Variants in MTPAP observed in about 807,000 individuals in gnomAD.
The protein encoded by MTPAP is mitochondrial poly(A) polymerase.
In MTPAP, 23 loss-of-function variants were observed where a neutral mutation model predicts 48.7. The ratio of observed to expected loss-of-function variants is 0.47; its 90% CI spans 0.34 to 0.67. The LOEUF (loss-of-function observed/expected upper bound fraction) is 0.67, where lower values mean the gene tolerates loss of function less well. MTPAP is among the 30% of genes least tolerant of loss of function. The probability of loss-of-function intolerance (pLI) is 0.01; values close to 1 mark genes in which losing one functional copy is unlikely to be tolerated. For synonymous variants in MTPAP, 257 were observed against 254.1 expected, an observed-to-expected ratio of 1.01 and a Z score of -0.11; for missense variants, 614 against 694.3, an observed-to-expected ratio of 0.88 and a Z score of 1.30.
intron 1 of MTPAP, among the ~76,000 whole-genome samples, chr10:30,345,835 T>C (rs1400454367): frequency 6.6e-6 from 1 of 151,752 alleles, no homozygotes; most frequent in Admixed American, 6.6e-5. Flanking sequence ...TCACTTGAGG[T>C]CAGAAGTTCC....
chr10:30,330,587 T>C (rs978404167), intron 4 of MTPAP, among the ~76,000 whole-genome samples: 1 of 152,190 alleles, frequency 6.6e-6, no homozygotes, highest in Admixed American at 6.5e-5. Context: ...TAGCTCTGAT[T>C]AATGGAACTG....
At chr10:30,328,181 A>T (rs879040897) in intron 4 of MTPAP, among the ~76,000 whole-genome samples, 1 of 152,270 alleles carries the variant, frequency 6.6e-6, no homozygotes, top group Non-Finnish European at 1.5e-5. Context: ...AAAAATTCAC[A>T]GAAAAAATAA....
intron 6 of MTPAP, among the ~76,000 whole-genome samples, chr10:30,316,804 C>T (rs544574072): frequency 2.0e-5 from 3 of 152,012 alleles, no homozygotes; most frequent in East Asian, 2.0e-4. Context: ...GCACGAGAAT[C>T]GCTTGAACCC....
At position 30,349,150 on chromosome 10, in the gene MTPAP, T is replaced by A; in HGVS notation, c.126A>T (p.Arg42Ser). ...CPGTVAKDLR[R>S]DEQPSGSVET... ...CCACGCTCCCTGAAGGCTGCTCGTC[T>A]CTCCTAAGGTCTTTGGCCACAGTTC... Residue 42 changes from arginine to serine, a missense_variant, in exon 1 of 9, where the codon AGA becomes AGT. Physicochemically the swap from Arg to Ser is moderately radical, Grantham distance 110. Transcript: ENST00000263063. 4 of 1,613,558 alleles carry A rather than the reference T, an allele frequency of 2.5e-6. No individual in the cohort carries two copies. Among genetic ancestry groups the A allele is most frequent in the Non-Finnish European group, 3.4e-6 (4 of 1,179,772 alleles).
At chr10:30,347,946 G>A (rs1407853687) in intron 1 of MTPAP, among the ~76,000 whole-genome samples, 1 of 151,032 alleles carries the variant, frequency 6.6e-6, no homozygotes, top group African/African-American at 2.4e-5. Context: ...GAATAGCTGA[G>A]TTTAGCTTGA....
rs376449914 is a variant in MTPAP at position 30,315,945 on chromosome 10, T to C, written c.1386+18A>G. ...GGAAGACCAGATACTAATAACTAAATAGTAAAACATTATTTACCTGTCGAA... is the reference window on the plus strand; with the variant it reads ...GGAAGACCAGATACTAATAACTAAACAGTAAAACATTATTTACCTGTCGAA... On this transcript the variant is annotated intron_variant, in intron 8 of 8. Coordinates refer to ENST00000263063, the MANE Select transcript of MTPAP (RefSeq NM_018109.4). 434 of 1,563,088 alleles carry C rather than the reference T, an allele frequency of 2.8e-4. No homozygotes were observed. Among genetic ancestry groups the C allele is most frequent in the Non-Finnish European group, 3.7e-4 (418 of 1,140,800 alleles).
At chr10:30,341,860 T>C (rs562736297) in intron 1 of MTPAP, among the ~76,000 whole-genome samples, 95 of 152,320 alleles carry the variant, frequency 6.2e-4, no homozygotes, top group African/African-American at 2.2e-3. Context: ...CCTCAGATAT[T>C]ACCAAGCCCT....
chr10:30,345,152 C>A (rs1834859366), intron 1 of MTPAP, among the ~76,000 whole-genome samples: 1 of 152,166 alleles, frequency 6.6e-6, no homozygotes, highest in East Asian at 1.9e-4. Flanking sequence ...AGATACACAT[C>A]TTTTACACAA....
At position 30,313,950 on chromosome 10, in the gene MTPAP, C is replaced by G; in HGVS notation, c.1408G>C (p.Asp470His). 1 of 1,613,838 alleles carries G rather than the reference C, an allele frequency of 6.2e-7. No homozygotes were observed. Among genetic ancestry groups the G allele is most frequent in the Non-Finnish European group, 8.5e-7 (1 of 1,179,834 alleles). Reference protein sequence around the residue: ...IRQGREQNKPDSSPLYIQNPF... With the variant: ...IRQGREQNKPHSSPLYIQNPF... ...TTCTGAATGTACAGAGGAGAAGAATCAGGTTTGTTTTGCTCCCTTCCCTAT... is the reference window on the plus strand; with the variant it reads ...TTCTGAATGTACAGAGGAGAAGAATGAGGTTTGTTTTGCTCCCTTCCCTAT... Residue 470 changes from aspartate (D) to histidine (H), a missense_variant, in exon 9 of 9, where the codon GAT (aspartate) becomes CAT (histidine). Around this residue, in one of 5 missense-constraint regions of MTPAP, gnomAD observed 261 missense variants for 355.4 expected, o/e 0.73. Transcript: ENST00000263063.
At chr10:30,327,407 G>C (rs1834610602) in intron 4 of MTPAP, among the ~76,000 whole-genome samples, 1 of 151,578 alleles carries the variant, frequency 6.6e-6, no homozygotes, top group Admixed American at 6.6e-5. Context: ...GCTGAGGCAG[G>C]AGAATTACTT....
Position 30,336,821 on chromosome 10 carries a change from T to C in MTPAP, c.762A>G (p.Arg254=). Residue 254 remains arginine, a synonymous_variant, in exon 4 of 9, where the codon AGA becomes AGG. Transcript: ENST00000263063. Reference sequence around the variant, plus strand: ...GACTTACCTTGTGAGCGCTGAGGTTTCTGGTTTCATCTAGATCCAAAAACA... The same window carrying C: ...GACTTACCTTGTGAGCGCTGAGGTTCCTGGTTTCATCTAGATCCAAAAACA... ...LDMFLDLDET[R]NLSAHKISGN... is the part of the protein sequence containing the mutation. The C allele has an allele frequency of 6.2e-7, 1 of 1,610,086 alleles. No individual in the cohort carries two copies. Among genetic ancestry groups the C allele is most frequent in the African/African-American group, 1.3e-5 (1 of 74,938 alleles).
intron 5 of MTPAP, among the ~76,000 whole-genome samples, chr10:30,324,415 G>A (rs1042427609): frequency 6.6e-6 from 1 of 151,888 alleles, no homozygotes; most frequent in African/African-American, 2.4e-5. Context: ...ATAGTCAGGC[G>A]TGGTGGCATG....
intron 6 of MTPAP, among the ~76,000 whole-genome samples, chr10:30,319,025 G>A (rs1357585036): frequency 6.6e-6 from 1 of 151,570 alleles, no homozygotes; most frequent in Non-Finnish European, 1.5e-5. Context: ...GTCTTCTCTG[G>A]CTTAATCTTG....
intron 2 of MTPAP, among the ~76,000 whole-genome samples, chr10:30,341,131 G>A (rs979189299): frequency 5.3e-5 from 8 of 151,614 alleles, no homozygotes; most frequent in Admixed American, 5.3e-4. Flanking sequence ...AGGATCACCC[G>A]AGCCTAGGAG....
At position 30,313,484 on chromosome 10, in the gene MTPAP, G is replaced by T; in HGVS notation, c.*125C>A. The T allele has an allele frequency of 7.4e-7, 1 of 1,349,610 alleles. No individual in the cohort carries two copies. Among genetic ancestry groups the T allele is most frequent in the Non-Finnish European group, 1.0e-6 (1 of 953,798 alleles). 83.6% of individuals were successfully genotyped at this position (1,349,610 alleles called of 1,614,324 possible). A position where few individuals can be genotyped will look rare whatever the true frequency, so the allele number is the denominator to read the frequency against. On this transcript the variant is annotated 3_prime_UTR_variant, in exon 9 of 9. Transcript: ENST00000263063. ...CAGACCAGGTTAAGGGGGCCAATGA[G>T]AAGATCATGAAAAGTGACATCAGAT...
At position 30,313,474 on chromosome 10, in the gene MTPAP, G is replaced by A. The variant is rs1564517188; in HGVS notation, c.*135C>T. 8.1e-7 allele frequency: 1 copy of A among 1,238,164 alleles called. No individual in the cohort carries two copies. The highest frequency in any genetic ancestry group is 1.5e-5 in the African/African-American group (1 of 67,230). The allele number at this position is 1,238,164 out of a possible 1,614,324, so 76.7% of individuals were successfully genotyped here. ...CCCAGAACTTCAGACCAGGTTAAGG[G>A]GGCCAATGAGAAGATCATGAAAAGT... On this transcript the variant is annotated 3_prime_UTR_variant, in exon 9 of 9. Coordinates refer to ENST00000263063, the MANE Select transcript of MTPAP (RefSeq NM_018109.4).
intron 5 of MTPAP, 54 bp from the exon 6 acceptor site, chr10:30,322,671 G>C: frequency 1.5e-6 from 2 of 1,338,548 alleles, no homozygotes; most frequent in Admixed American, 3.9e-5. Context: ...ATAAACCAAG[G>C]GTAAAATTAA....
intron 5 of MTPAP, among the ~76,000 whole-genome samples, chr10:30,325,026 C>T (rs769595640): frequency 6.7e-6 from 1 of 150,362 alleles, no homozygotes; most frequent in Non-Finnish European, 1.5e-5. Flanking sequence ...GAAGAAACAG[C>T]AACTTAGAAA....
rs746887384 is a variant in MTPAP at position 30,316,113 on chromosome 10, C to G, written c.1312+5G>C. The G allele has an allele frequency of 1.2e-5, 19 of 1,611,758 alleles. No individual in the cohort carries two copies. The highest frequency in any genetic ancestry group is 2.2e-5 in the South Asian group (2 of 91,038). On this transcript the variant is annotated splice_donor_5th_base_variant and intron_variant, in intron 7 of 8. Transcript: ENST00000263063. ...AAAGGATCAAGTAAACAGAAAGACACTTACCTAATGTTTCTGTGTTCTGTG... is the reference window on the plus strand; with the variant it reads ...AAAGGATCAAGTAAACAGAAAGACAGTTACCTAATGTTTCTGTGTTCTGTG...
Sources: gnomAD v4.1 joint callset for allele counts (sites outside exome capture counted in the v4.1 genomes callset) on GRCh38, gnomAD v4.1.1 for gene constraint, gnomAD v4.1.1 regional missense constraint, MANE v1.5 for transcripts, NCBI Gene and HGNC (gene_info 2026-07-23, HGNC 2026-07-21) for gene names.